PIP5K1B: variants seen among roughly 807,000 people sequenced by gnomAD.
The protein encoded by PIP5K1B is phosphatidylinositol-4-phosphate 5-kinase type 1 beta.
Under a neutral mutation model 67.0 loss-of-function variants are expected in PIP5K1B, and 42 were observed. The observed-to-expected ratio is 0.63, with a 90% CI of 0.49 to 0.81. The LOEUF is 0.81. Ranked by LOEUF, PIP5K1B falls within the 30% of genes least tolerant of loss-of-function variation. The probability of loss-of-function intolerance (pLI) is 0.00; values close to 1 mark genes in which losing one functional copy is unlikely to be tolerated. For synonymous variants in PIP5K1B, 214 were observed against 231.4 expected, an observed-to-expected ratio of 0.92 and a Z score of 0.68; for missense variants, 459 against 646.3, an observed-to-expected ratio of 0.71 and a Z score of 3.14.
intron 2 of PIP5K1B, among the ~76,000 whole-genome samples, chr9:68,815,167 C>A (rs1373098925): frequency 6.6e-6 from 1 of 151,256 alleles, no homozygotes; most frequent in Non-Finnish European, 1.5e-5. Context: ...ATGACAAATT[C>A]TCTGGAAGTT....
intron 2 of PIP5K1B, among the ~76,000 whole-genome samples, chr9:68,785,503 T>A (rs553822746): frequency 4.6e-5 from 7 of 152,118 alleles, no homozygotes; most frequent in African/African-American, 1.7e-4. Context: ...AGTAAAAAAA[T>A]TTTCTTAAAA....
rs147775758 is a variant in PIP5K1B, at chr9:68,927,921, T to G, written c.1201+4535T>G. ...GTTTGTGATTCATTCTGATTTAATT[T>G]TTTTGTATATGATATGAGGTAGAGT... On this transcript the variant is annotated intron_variant, in intron 12 of 15. Coordinates refer to ENST00000265382, the MANE Select transcript of PIP5K1B (RefSeq NM_003558.4). Among the ~76,000 whole-genome samples the G allele has an allele frequency of 1.1e-4, 16 of 152,344 alleles. No individual in the cohort carries two copies. In the East Asian group the frequency reaches 3.1e-3, roughly 29 times the overall value.
intron 14 of PIP5K1B, among the ~76,000 whole-genome samples, chr9:68,954,725 A>G (rs1335084973): frequency 6.6e-6 from 1 of 152,214 alleles, no homozygotes; most frequent in Non-Finnish European, 1.5e-5. Flanking sequence ...AAATGTTGAT[A>G]CGACAGCAGT....
intron 15 of PIP5K1B, among the ~76,000 whole-genome samples, chr9:68,996,831 A>G (rs903795723): frequency 6.6e-6 from 1 of 152,210 alleles, no homozygotes; most frequent in Non-Finnish European, 1.5e-5. Context: ...TTAATAATAT[A>G]GAAGTTTGAA....
At chr9:68,911,421 A>T (rs1825845895) in intron 8 of PIP5K1B, among the ~76,000 whole-genome samples, 1 of 151,882 alleles carries the variant, frequency 6.6e-6, no homozygotes, top group African/African-American at 2.4e-5. Flanking sequence ...TTAATTCATT[A>T]TCATTAGAGA....
At chr9:68,731,684 T>C (rs545601321) in intron 1 of PIP5K1B, among the ~76,000 whole-genome samples, 1 of 152,194 alleles carries the variant, frequency 6.6e-6, no homozygotes, top group Non-Finnish European at 1.5e-5. Flanking sequence ...GTAAAAGTAC[T>C]GAATGTGGCT....
chr9:68,709,337 A>G (rs558107069), intron 1 of PIP5K1B, among the ~76,000 whole-genome samples: 1 of 152,052 alleles, frequency 6.6e-6, no homozygotes, highest in Non-Finnish European at 1.5e-5. Context: ...GGCTCAGGTA[A>G]TCCTCCCACC....
At chr9:68,751,737 G>A (rs1829643603) in intron 2 of PIP5K1B, among the ~76,000 whole-genome samples, 1 of 152,172 alleles carries the variant, frequency 6.6e-6, no homozygotes, top group African/African-American at 2.4e-5. Flanking sequence ...GGCTTCATTG[G>A]GAAATGGTCA....
intron 9 of PIP5K1B, among the ~76,000 whole-genome samples, chr9:68,918,979 A>G (rs1826236979): frequency 6.6e-6 from 1 of 152,238 alleles, no homozygotes; most frequent in African/African-American, 2.4e-5. Flanking sequence ...ACACACACAC[A>G]TACTAGAAAA....
At chr9:68,772,599 A>T (rs1399089620) in intron 2 of PIP5K1B, among the ~76,000 whole-genome samples, 2 of 152,144 alleles carry the variant, frequency 1.3e-5, no homozygotes, top group Non-Finnish European at 2.9e-5. Context: ...CCCAGTGCCC[A>T]TCTCTCTTCC....
intron 11 of PIP5K1B, among the ~76,000 whole-genome samples, chr9:68,920,476 T>C (rs113818084): frequency 0.019 from 2,802 of 147,800 alleles, 36 homozygotes; most frequent in Non-Finnish European, 0.029. Context: ...CAAGCAATTC[T>C]CTTACCTCAC....
At chr9:68,853,584 C>T (rs555249442) in intron 4 of PIP5K1B, among the ~76,000 whole-genome samples, 2 of 152,296 alleles carry the variant, frequency 1.3e-5, no homozygotes, top group South Asian at 4.1e-4. Context: ...TTTTGGTCAG[C>T]TGCTCTGATG....
chr9:68,768,427 A>G (rs1830535020), intron 2 of PIP5K1B, among the ~76,000 whole-genome samples: 1 of 152,200 alleles, frequency 6.6e-6, no homozygotes, highest in Non-Finnish European at 1.5e-5. Context: ...GAAGTTGGGT[A>G]TACATAAAAA....
chr9:69,003,680 G>A (rs903112130), intron 15 of PIP5K1B, among the ~76,000 whole-genome samples: 3 of 152,178 alleles, frequency 2.0e-5, no homozygotes, highest in East Asian at 1.9e-4. Flanking sequence ...ATGGGGGCAA[G>A]GGTGTCAAGG....
At chr9:68,916,080 A>G (rs1031022024) in intron 8 of PIP5K1B, among the ~76,000 whole-genome samples, 12 of 152,208 alleles carry the variant, frequency 7.9e-5, no homozygotes, top group African/African-American at 2.9e-4. Flanking sequence ...ACAATTATCT[A>G]TAGGCTATGA....
intron 4 of PIP5K1B, among the ~76,000 whole-genome samples, chr9:68,857,758 T>C (rs1407289519): frequency 6.6e-6 from 1 of 152,126 alleles, no homozygotes; most frequent in African/African-American, 2.4e-5. Flanking sequence ...TCACAGCTAC[T>C]TGGGAGGCTG....
chr9:69,008,408 C>T (rs1292013249), intron 15 of PIP5K1B, 39 bp from the exon 16 acceptor site: 1 of 1,610,408 alleles, frequency 6.2e-7, no homozygotes. Flanking sequence ...AAATTGATGC[C>T]AAAATCTAGT....
intron 2 of PIP5K1B, among the ~76,000 whole-genome samples, chr9:68,792,524 G>A (rs1832035853): frequency 1.3e-5 from 2 of 152,080 alleles, no homozygotes; most frequent in Non-Finnish European, 2.9e-5. Flanking sequence ...CTGTCGCCCA[G>A]GTTGGAGTGC....
chr9:68,921,937 TC>T (rs1826426388), intron 11 of PIP5K1B, among the ~76,000 whole-genome samples: 1 of 152,212 alleles, frequency 6.6e-6, no homozygotes, highest in Non-Finnish European at 1.5e-5. Context: ...TGGTTATATA[TC>T]ATGAACCTAT....
Sources: allele counts gnomAD v4.1 joint callset (sites outside exome capture counted in the v4.1 genomes callset), GRCh38; gene constraint gnomAD v4.1.1; transcripts MANE v1.5; gene names NCBI Gene and HGNC (gene_info 2026-07-23, HGNC 2026-07-21).